TRNT1: variants seen among roughly 807,000 people sequenced by gnomAD.
TRNT1 encodes tRNA nucleotidyl transferase 1.
Under a neutral mutation model 45.6 loss-of-function variants are expected in TRNT1, and 44 were observed. The ratio of observed to expected loss-of-function variants is 0.97; its 90% CI spans 0.76 to 1.24. The LOEUF (loss-of-function observed/expected upper bound fraction) is 1.24, where lower values mean the gene tolerates loss of function less well. Among genes scored for constraint, TRNT1 ranks in the 50% most tolerant of loss-of-function variants. The pLI is 0.00. For missense variants in TRNT1, 633 were observed against 504.4 expected (o/e 1.25, Z -2.44); for synonymous variants, 201 against 171.4 (o/e 1.17, Z -1.35).
At chr3:3,134,414 G>T (rs1400275346) in intron 2 of TRNT1, among the ~76,000 whole-genome samples, 1 of 152,134 alleles carries the variant, frequency 6.6e-6, no homozygotes, top group African/African-American at 2.4e-5. Flanking sequence ...TTTTGGAATG[G>T]TTTAATAACA....
chr3:3,128,367 C>T (rs757514698), intron 1 of TRNT1, among the ~76,000 whole-genome samples: 2 of 152,062 alleles, frequency 1.3e-5, no homozygotes, highest in African/African-American at 2.4e-5. Flanking sequence ...GAGGCTGAGG[C>T]GGGCAGATCA....
chr3:3,137,564 CT>C, intron 3 of TRNT1, 111 bp downstream of exon 3: 1 of 883,846 alleles, frequency 1.1e-6, no homozygotes, highest in South Asian at 1.9e-5. Context: ...AAGTCAGTCT[CT>C]TCTATGCCCG....
downstream of TRNT1, chr3:3,150,128 A>G (rs1706404215): frequency 6.6e-6 from 1 of 152,152 alleles, no homozygotes; most frequent in South Asian, 2.1e-4. Flanking sequence ...TCTTTTCCCT[A>G]TAGTAGTAGT....
chr3:3,136,288 C>A (rs1374621672), intron 2 of TRNT1, among the ~76,000 whole-genome samples: 1 of 152,074 alleles, frequency 6.6e-6, no homozygotes, highest in Non-Finnish European at 1.5e-5. Context: ...AGGCTAGCTC[C>A]TGGATGCCAT....
chr3:3,133,190 T>G (rs1381007475), intron 2 of TRNT1, among the ~76,000 whole-genome samples: 1 of 152,020 alleles, frequency 6.6e-6, no homozygotes, highest in African/African-American at 2.4e-5. Context: ...ATCATAAGGG[T>G]TTTATAATTT....
Position 3,148,322 on chromosome 3 carries a change from G to C in TRNT1, c.*168G>C. 3.1e-6 allele frequency: 2 copies of C among 648,528 alleles called. No individual in the cohort carries two copies. Among genetic ancestry groups the C allele is most frequent in the Non-Finnish European group, 5.1e-6 (2 of 394,178 alleles). The allele number at this position is 648,528 out of a possible 1,614,324, so 40.2% of individuals were successfully genotyped here. On this transcript the variant is annotated 3_prime_UTR_variant, in exon 8 of 8. Coordinates refer to ENST00000251607, the MANE Select transcript of TRNT1 (RefSeq NM_182916.3). ...TTATATATTTCAAGAACTAAACAGAGATCCACCTTTCTGGATCTGATTTAT... is the reference window on the plus strand; with the variant it reads ...TTATATATTTCAAGAACTAAACAGACATCCACCTTTCTGGATCTGATTTAT...
intron 4 of TRNT1, among the ~76,000 whole-genome samples, chr3:3,141,054 A>C (rs534985655): frequency 6.6e-6 from 1 of 152,208 alleles, no homozygotes; most frequent in Non-Finnish European, 1.5e-5. Flanking sequence ...TCTGGGCAAC[A>C]GAGCGAGACT....
chr3:3,147,302 C>G, intron 6 of TRNT1, 148 bp from the exon 7 acceptor site: 2 of 827,224 alleles, frequency 2.4e-6, no homozygotes, highest in Non-Finnish European at 1.9e-6. Flanking sequence ...ATTAGTGGTT[C>G]GCCTTTAAGT....
At position 3,148,992 on chromosome 3, in the gene TRNT1, T is replaced by G. The variant is rs1379833609; in HGVS notation, c.*838T>G. On this transcript the variant is annotated 3_prime_UTR_variant, in exon 8 of 8. Transcript: ENST00000251607. Reference sequence around the variant, plus strand: ...CTCTAAAGATTTGAGTCCTAAATGCTTTCATCAGGTAAATAAAATGTATAA... The same window carrying G: ...CTCTAAAGATTTGAGTCCTAAATGCGTTCATCAGGTAAATAAAATGTATAA... 8.6e-6 allele frequency: 1 copy of G among 116,348 alleles called. No homozygotes were observed. The highest frequency in any genetic ancestry group is 1.8e-5 in the Non-Finnish European group (1 of 54,200). The allele number at this position is 116,348 out of a possible 1,614,324, so 7.2% of individuals were successfully genotyped here.
At chr3:3,152,637 T>C, downstream of TRNT1, 2 of 1,608,848 alleles carry the variant, frequency 1.2e-6, no homozygotes, top group Non-Finnish European at 1.7e-6. Context: ...GAAGTCTAAT[T>C]TTATTAAATG....
At chr3:3,129,862 T>TAA in intron 2 of TRNT1, 1 of 1,550,508 alleles carries the variant, frequency 6.4e-7, no homozygotes, top group Non-Finnish European at 8.7e-7. Context: ...GTTTCGAACT[T>TAA]ACGCAGATTG....
intron 2 of TRNT1, among the ~76,000 whole-genome samples, chr3:3,135,226 A>T (rs1273246421): frequency 6.6e-6 from 1 of 152,136 alleles, no homozygotes; most frequent in Non-Finnish European, 1.5e-5. Flanking sequence ...GAAGTGACTC[A>T]CACAAGCAAA....
downstream of TRNT1, chr3:3,152,888 A>C: frequency 2.4e-6 from 1 of 420,950 alleles, no homozygotes; most frequent in East Asian, 5.0e-5. Context: ...AATGCTTCTA[A>C]AGGAGTCTGA....
chr3:3,146,348 A>T, intron 5 of TRNT1, 82 bp from the exon 6 acceptor site: 1 of 1,052,582 alleles, frequency 9.5e-7, no homozygotes, highest in Non-Finnish European at 1.4e-6. Flanking sequence ...TGTATGGGAT[A>T]GTACCAATAA....
chr3:3,132,632 T>C lies in TRNT1; in HGVS notation c.148+3444T>C, dbSNP rs192550456. 0.012 allele frequency among the ~76,000 whole-genome samples: 1,332 copies of C among 107,548 alleles called. 99 individuals are homozygous for C. In the Admixed American group the frequency reaches 0.12, roughly 10 times the overall value. The allele number at this position is 107,548 out of a possible 152,430, so 70.6% of individuals were successfully genotyped here. A position where few individuals can be genotyped will look rare whatever the true frequency, so the allele number is the denominator to read the frequency against. On this transcript the variant is annotated intron_variant, in intron 2 of 7. Transcript: ENST00000251607. ...CACCAGCATGGCACATGTATACATA[T>C]GTAACTAACCTGCACAATGTGCACA...
intron 6 of TRNT1, 129 bp downstream of exon 6, chr3:3,146,752 C>A: frequency 1.1e-6 from 1 of 921,092 alleles, no homozygotes; most frequent in East Asian, 2.7e-5. Flanking sequence ...TAAAATAAGA[C>A]AAAGTTTGGG....
At chr3:3,136,117 A>G (rs770198491) in intron 2 of TRNT1, among the ~76,000 whole-genome samples, 7 of 152,174 alleles carry the variant, frequency 4.6e-5, no homozygotes, top group Non-Finnish European at 7.4e-5. Context: ...GTTACCAACT[A>G]TTGTAGGGTG....
intron 2 of TRNT1, chr3:3,130,044 C>G: frequency 7.4e-7 from 1 of 1,346,638 alleles, no homozygotes; most frequent in East Asian, 2.5e-5. Flanking sequence ...TAGCTTCTTG[C>G]TGTTGCCACA....
rs986125177 is a variant in TRNT1, at chr3:3,147,574, G to A, written c.927G>A (p.Leu309=). 6.2e-7 allele frequency: 1 copy of A among 1,613,884 alleles called. No individual in the cohort carries two copies. Among genetic ancestry groups the A allele is most frequent in the Non-Finnish European group, 8.5e-7 (1 of 1,179,870 alleles). ...LFKVQDDVTK[L]DLRLKIAKEE... is the part of the protein sequence containing the mutation. Reference sequence around the variant, plus strand: ...AAGTACAAGATGATGTCACAAAATTGGATTTGAGGTTGAAGATCGCAAAAG... The same window carrying A: ...AAGTACAAGATGATGTCACAAAATTAGATTTGAGGTTGAAGATCGCAAAAG... The change falls in exon 7 of 8, where the codon TTG becomes TTA. Residue 309 remains leucine, a synonymous_variant. Transcript: ENST00000251607.
Sources: allele counts gnomAD v4.1 joint callset (sites outside exome capture counted in the v4.1 genomes callset), GRCh38; gene constraint gnomAD v4.1.1; transcripts MANE v1.5; gene names NCBI Gene and HGNC (gene_info 2026-07-23, HGNC 2026-07-21).